UACA: variants seen among roughly 807,000 people sequenced by gnomAD.
UACA encodes uveal autoantigen with coiled-coil domains and ankyrin repeats.
UACA carries 112 observed loss-of-function variants against 160.5 expected under a neutral mutation model. The ratio of observed to expected loss-of-function variants is 0.70; its 90% confidence interval spans 0.60 to 0.82. The LOEUF (loss-of-function observed/expected upper bound fraction) is 0.82. UACA is among the 40% of genes least tolerant of loss of function. The pLI is 0.00. For synonymous variants in UACA, 557 were observed against 568.4 expected (o/e 0.98, Z 0.29); for missense variants, 1,574 against 1,614.6 (o/e 0.97, Z 0.43).
At chr15:70,709,347 G>C (rs1898611075) in intron 1 of UACA, among the ~76,000 whole-genome samples, 1 of 152,076 alleles carries the variant, frequency 6.6e-6, no homozygotes, top group Admixed American at 6.5e-5. Flanking sequence ...TGTTTCTAGA[G>C]AACAAACATT....
At position 70,666,784 on chromosome 15, in the gene UACA, G is replaced by A; in HGVS notation, c.3900C>T (p.Ile1300=). 1 of 1,611,368 alleles carries A rather than the reference G, an allele frequency of 6.2e-7. No homozygotes were observed. The highest frequency in any genetic ancestry group is 1.7e-4 in the Middle Eastern group (1 of 6,042). Residue 1300 remains isoleucine, a synonymous_variant, in exon 16 of 19, where the codon ATC becomes ATT. Coordinates refer to ENST00000322954, the MANE Select transcript of UACA (RefSeq NM_018003.4). ...KERCDKSLTT[I]TELQRRIQES... ...CTTGTATTCTTCTTTGTAACTCTGT[G>A]ATTGTTGTTAAGGACTTATCACATC...
chr15:70,705,408 T>C (rs1188760529), intron 1 of UACA, among the ~76,000 whole-genome samples: 2 of 151,854 alleles, frequency 1.3e-5, no homozygotes, highest in African/African-American at 4.8e-5. Flanking sequence ...TGGTGATGCA[T>C]GCCTGTAATC....
intron 1 of UACA, among the ~76,000 whole-genome samples, chr15:70,700,615 C>T (rs188840848): frequency 9.0e-4 from 137 of 151,846 alleles, no homozygotes; most frequent in African/African-American, 3.1e-3. Flanking sequence ...ACATTTTAAT[C>T]GTATCAAGGT....
chr15:70,708,443 T>C (rs981066020), intron 1 of UACA, among the ~76,000 whole-genome samples: 141 of 152,006 alleles, frequency 9.3e-4, no homozygotes, highest in African/African-American at 3.3e-3. Context: ...AAAACATAAG[T>C]GCAATCTCTC....
At chr15:70,682,142 A>G (rs1329691435) in intron 9 of UACA, 3 of 152,198 alleles carry the variant, frequency 2.0e-5, no homozygotes, top group African/African-American at 7.2e-5. Context: ...AAAACATAAG[A>G]CATTTCACAA....
chr15:70,744,388 G>A (rs1001420910), intron 1 of UACA, among the ~76,000 whole-genome samples: 1 of 152,022 alleles, frequency 6.6e-6, no homozygotes, highest in Non-Finnish European at 1.5e-5. Flanking sequence ...AAATCTAGCA[G>A]AAGGAAGGAG....
intron 1 of UACA, among the ~76,000 whole-genome samples, chr15:70,712,930 T>C (rs1898725589): frequency 6.6e-6 from 1 of 152,218 alleles, no homozygotes; most frequent in South Asian, 2.1e-4. Context: ...ATGCAAACTT[T>C]TATGAAGCAT....
At chr15:70,684,642 C>G (rs987948062) in intron 7 of UACA, among the ~76,000 whole-genome samples, 196 bp from the exon 8 acceptor site, 2 of 151,752 alleles carry the variant, frequency 1.3e-5, no homozygotes, top group African/African-American at 4.8e-5. Flanking sequence ...TGAACCAATA[C>G]TGTTTATCAG....
intron 1 of UACA, among the ~76,000 whole-genome samples, chr15:70,713,368 G>A (rs1898741684): frequency 6.6e-6 from 1 of 152,178 alleles, no homozygotes; most frequent in Non-Finnish European, 1.5e-5. Context: ...TGATGAAAAT[G>A]CTGAGAGTTG....
intron 16 of UACA, among the ~76,000 whole-genome samples, chr15:70,665,599 A>C (rs1428021322): frequency 6.6e-6 from 1 of 152,202 alleles, no homozygotes; most frequent in Non-Finnish European, 1.5e-5. Flanking sequence ...TTTTTATTGA[A>C]AAATAATAAT....
rs1166029557 is a variant in UACA at position 70,667,680 on chromosome 15, C to G, written c.3004G>C (p.Glu1002Gln). The change falls in exon 16 of 19, where the codon GAG (glutamate) becomes CAG (glutamine). Residue 1002 changes from glutamate to glutamine, a missense_variant. Transcript: ENST00000322954. Reference sequence around the variant, plus strand: ...GATAACTGGTCTTTTAGTTCTTTCTCTGTTGCTTTAAATTTTCTCTCGCAC... The same window carrying G: ...GATAACTGGTCTTTTAGTTCTTTCTGTGTTGCTTTAAATTTTCTCTCGCAC... ...EECERKFKAT[E>Q]KELKDQLSEQ... The G allele has an allele frequency of 1.2e-6, 2 of 1,613,648 alleles. No individual in the cohort carries two copies. The highest frequency in any genetic ancestry group is 1.7e-5 in the Admixed American group (1 of 59,956).
At chr15:70,671,160 G>A in intron 14 of UACA, 69 bp from the exon 15 acceptor site, 1 of 1,101,200 alleles carries the variant, frequency 9.1e-7, no homozygotes, top group Non-Finnish European at 1.3e-6. Context: ...ACATTAATTT[G>A]ATGTTATTTC....
At chr15:70,757,560 A>G (rs891127510) in intron 1 of UACA, among the ~76,000 whole-genome samples, 1 of 152,182 alleles carries the variant, frequency 6.6e-6, no homozygotes, top group African/African-American at 2.4e-5. Flanking sequence ...TAAAACAGAC[A>G]CTTCCTCTTA....
Position 70,667,410 on chromosome 15 carries a change from C to A in UACA, c.3274G>T (p.Glu1092Ter). Reference sequence around the variant, plus strand: ...ATCTCAGAAGTCTGTTTGGCATTTTCTTCTACTAGCTTCTCTTTCACATTC... The same window carrying A: ...ATCTCAGAAGTCTGTTTGGCATTTTATTCTACTAGCTTCTCTTTCACATTC... The part of the protein sequence containing the change: ...VKNVKEKLVE[E>*]NAKQTSEILA... The change falls in exon 16 of 19, where the codon GAA becomes TAA. Residue 1092 changes from glutamate (E) to a stop codon, truncating the protein, a stop_gained. Coordinates refer to ENST00000322954, the MANE Select transcript of UACA (RefSeq NM_018003.4). LOFTEE classifies it high-confidence loss of function. The A allele has an allele frequency of 6.2e-7, 1 of 1,610,830 alleles. No homozygotes were observed. Among genetic ancestry groups the A allele is most frequent in the South Asian group, 1.1e-5 (1 of 90,742 alleles).
intron 2 of UACA, among the ~76,000 whole-genome samples, chr15:70,698,251 G>A (rs1473557963): frequency 6.6e-6 from 1 of 152,016 alleles, no homozygotes; most frequent in African/African-American, 2.4e-5. Flanking sequence ...CAAAACATTC[G>A]AAGTATGAAT....
At chr15:70,725,493 C>T (rs980600813) in intron 1 of UACA, among the ~76,000 whole-genome samples, 1 of 152,118 alleles carries the variant, frequency 6.6e-6, no homozygotes, top group African/African-American at 2.4e-5. Flanking sequence ...GAACATTTGC[C>T]ATCAATGGTT....
At chr15:70,735,592 G>A (rs933424465) in intron 1 of UACA, among the ~76,000 whole-genome samples, 15 of 151,940 alleles carry the variant, frequency 9.9e-5, no homozygotes, top group African/African-American at 1.9e-4. Flanking sequence ...TTGACATCTT[G>A]GCATGTCACA....
intron 5 of UACA, among the ~76,000 whole-genome samples, chr15:70,690,110 A>G (rs956504830): frequency 6.6e-6 from 1 of 151,948 alleles, no homozygotes; most frequent in Non-Finnish European, 1.5e-5. Context: ...TCCAATTCCC[A>G]AAGACATGAA....
rs148100939 is a variant in UACA, at chr15:70,683,247, T to C, written c.785-452A>G. On this transcript the variant is annotated intron_variant, in intron 8 of 18. Transcript: ENST00000322954. ...GGTGGTACATGCCTGTAGTCCCAGC[T>C]ACTCATGAGGCTGAGGCAGGAAGAT... Among the ~76,000 whole-genome samples, 1,464 of 152,066 alleles carry C rather than the reference T, an allele frequency of 9.6e-3. 30 individuals are homozygous for C. Among genetic ancestry groups the C allele is most frequent in the African/African-American group, 0.033 (1,361 of 41,468 alleles).
Sources: gnomAD v4.1 joint callset for allele counts (sites outside exome capture counted in the v4.1 genomes callset) on GRCh38, gnomAD v4.1.1 for gene constraint, MANE v1.5 for transcripts, NCBI Gene and HGNC (gene_info 2026-07-23, HGNC 2026-07-21) for gene names.